KDM3B: variants seen among roughly 807,000 people sequenced by gnomAD.
KDM3B encodes lysine demethylase 3B, also known as lysine-specific demethylase 3B.
In KDM3B, 10 loss-of-function variants were observed where a neutral mutation model predicts 170.0. That is an observed-to-expected ratio of 0.06 (90% CI 0.04 to 0.10). The LOEUF (loss-of-function observed/expected upper bound fraction) is 0.10, where lower values mean the gene tolerates loss of function less well. Among genes scored for constraint, KDM3B ranks in the 10% least tolerant of loss-of-function variants. KDM3B has a pLI of 1.00. For missense variants in KDM3B, 1,394 were observed against 2,195.2 expected (o/e 0.64, Z 7.29); for synonymous variants, 831 against 834.8 (o/e 1.00, Z 0.08).
intron 11 of KDM3B, among the ~76,000 whole-genome samples, chr5:138,409,954 G>A (rs991199978): frequency 6.6e-6 from 1 of 151,862 alleles, no homozygotes; most frequent in African/African-American, 2.4e-5. Context: ...AGGCATGGTG[G>A]CACATGCCTG....
chr5:138,413,630 A>AT (rs752477585), intron 11 of KDM3B, among the ~76,000 whole-genome samples: 2 of 151,952 alleles, frequency 1.3e-5, no homozygotes, highest in Non-Finnish European at 2.9e-5. Flanking sequence ...TGCTTTATTT[A>AT]TTTTTTTGTT....
chr5:138,398,367 G>A lies in KDM3B; in HGVS notation c.3021G>A (p.Glu1007=). The A allele has an allele frequency of 6.2e-7, 1 of 1,614,150 alleles. No homozygotes were observed. The highest frequency in any genetic ancestry group is 8.5e-7 in the Non-Finnish European group (1 of 1,180,012). ...GCCAGCTCGTAATGTCTGAGAAGGA[G>A]GCCATGATGATGGTGGAGCCACACC... The part of the protein sequence containing the change: ...QFCQLVMSEK[E]AMMMVEPHQK... Residue 1007 remains glutamate (E), a synonymous_variant, in exon 10 of 24, where the codon GAG becomes GAA. Transcript: ENST00000314358.
intron 1 of KDM3B, among the ~76,000 whole-genome samples, chr5:138,368,599 C>T (rs926420434): frequency 1.3e-5 from 2 of 152,014 alleles, no homozygotes; most frequent in Non-Finnish European, 2.9e-5. Context: ...AGCCAGGAAG[C>T]GAAGTACAGT....
chr5:138,396,253 A>G (rs1278369762), intron 9 of KDM3B, among the ~76,000 whole-genome samples: 1 of 151,858 alleles, frequency 6.6e-6, no homozygotes, highest in East Asian at 2.0e-4. Flanking sequence ...CCGCCACCAC[A>G]CCCAGCTAAT....
At chr5:138,405,859 G>T (rs1280896188) in intron 11 of KDM3B, among the ~76,000 whole-genome samples, 16 of 152,146 alleles carry the variant, frequency 1.1e-4, no homozygotes, top group Admixed American at 9.8e-4. Context: ...GTTTTGTAAG[G>T]ATCTTACACT....
At chr5:138,413,251 C>G (rs1763019690) in intron 11 of KDM3B, among the ~76,000 whole-genome samples, 1 of 151,946 alleles carries the variant, frequency 6.6e-6, no homozygotes, top group Non-Finnish European at 1.5e-5. Context: ...GGCATAGTGG[C>G]ACGCACTTGT....
At chr5:138,428,186 T>C (rs1429017049) in intron 20 of KDM3B, 100 bp downstream of exon 20, 21 of 1,212,810 alleles carry the variant, frequency 1.7e-5, no homozygotes, top group Non-Finnish European at 2.3e-5. Flanking sequence ...TTCCTTTTTT[T>C]TTTCTTTTTC....
In KDM3B at chr5:138,431,643, A is replaced by T. The variant is rs1277005192; in HGVS notation, c.5205+84A>T. ...CGCAGAAAGCACATTCTCCTTTCTG[A>T]GGGTATTCTCCGAAGGTCTAATTGT... On this transcript the variant is annotated intron_variant, in intron 23 of 23. Transcript: ENST00000314358. The T allele has an allele frequency of 6.3e-5, 77 of 1,230,406 alleles. 1 individual carries two copies. In the East Asian group the frequency reaches 2.0e-3, roughly 31 times the overall value. The allele number at this position is 1,230,406 out of a possible 1,614,324, so 76.2% of individuals were successfully genotyped here.
rs144047213 is a variant in KDM3B, at chr5:138,419,728, TACACACACAC to T, written c.3715+526_3715+535del. Among the ~76,000 whole-genome samples the T allele has an allele frequency of 2.4e-3, 292 of 122,180 alleles. 1 individual carries two copies. Among genetic ancestry groups the T allele is most frequent in the East Asian group, 3.8e-3 (16 of 4,164 alleles). The allele number at this position is 122,180 out of a possible 152,430, so 80.2% of individuals were successfully genotyped here. On this transcript the variant is annotated intron_variant, in intron 14 of 23. Transcript: ENST00000314358. ...ACACACACATATATATACACACACA[TACACACACAC>T]ACACACACACACACACACACACACA... is the stretch of plus-strand genomic sequence containing the variant.
chr5:138,407,137 CA>C (rs1213186755), intron 11 of KDM3B, among the ~76,000 whole-genome samples: 1 of 152,016 alleles, frequency 6.6e-6, no homozygotes, highest in African/African-American at 2.4e-5. Context: ...AGGTGTGTGC[CA>C]CCAAACCTAG....
chr5:138,415,824 A>G (rs1277021614), intron 12 of KDM3B, among the ~76,000 whole-genome samples: 2 of 152,052 alleles, frequency 1.3e-5, no homozygotes. Flanking sequence ...TGATCAGAGG[A>G]CCTGGTCTTG....
At chr5:138,416,767 C>T (rs1177133903) in intron 12 of KDM3B, among the ~76,000 whole-genome samples, 1 of 152,028 alleles carries the variant, frequency 6.6e-6, no homozygotes, top group East Asian at 1.9e-4. Flanking sequence ...TTACATTGAT[C>T]TGTTAGTTTT....
intron 20 of KDM3B, among the ~76,000 whole-genome samples, chr5:138,429,607 A>G (rs1052836935): frequency 6.6e-6 from 1 of 152,252 alleles, no homozygotes; most frequent in African/African-American, 2.4e-5. Flanking sequence ...TTAAGGGGAA[A>G]TTATACCTCC....
rs768394735 is a variant in KDM3B at position 138,430,224 on chromosome 5, TC to T, written c.4894-24del. ...CTGTTAATGATTTTTAATTTTCCCATCTTTGGATTTGATTATGGCTTCAGGT... is the reference window on the plus strand; with the variant it reads ...CTGTTAATGATTTTTAATTTTCCCATTTTGGATTTGATTATGGCTTCAGGT... On this transcript the variant is annotated intron_variant, in intron 21 of 23. Coordinates refer to ENST00000314358, the MANE Select transcript of KDM3B (RefSeq NM_016604.4). 1.9e-6 allele frequency: 3 copies of T among 1,607,326 alleles called. No homozygotes were observed. The African/African-American group carries it at 4.0e-5, about 21-fold the overall frequency.
chr5:138,430,756 G>A (rs1282266766), intron 22 of KDM3B, among the ~76,000 whole-genome samples: 1 of 152,262 alleles, frequency 6.6e-6, no homozygotes, highest in East Asian at 1.9e-4. Flanking sequence ...CAGGCATGGT[G>A]GCACATGCCT....
chr5:138,355,692 C>T (rs1761431850), intron 1 of KDM3B, among the ~76,000 whole-genome samples: 1 of 152,086 alleles, frequency 6.6e-6, no homozygotes, highest in African/African-American at 2.4e-5. Flanking sequence ...AATCTGGTGT[C>T]CTCTTTGTGT....
intron 1 of KDM3B, among the ~76,000 whole-genome samples, chr5:138,361,393 C>G (rs1402383118): frequency 2.0e-5 from 3 of 150,546 alleles, no homozygotes; most frequent in Non-Finnish European, 4.4e-5. Flanking sequence ...CTCTAGGGGA[C>G]TGATTCTCTC....
chr5:138,430,455 C>G lies in KDM3B; in HGVS notation c.5070+30C>G, dbSNP rs201224192. 1,350 of 1,599,642 alleles carry G rather than the reference C, an allele frequency of 8.4e-4. 27 individuals are homozygous for G. The South Asian group carries it at 0.014, about 17-fold the overall frequency. ...GTTCCTGCTTGGGGGTTGGGCTGAACAGTTCCATGGGCTTTCTTATTTCTG... is the reference window on the plus strand; with the variant it reads ...GTTCCTGCTTGGGGGTTGGGCTGAAGAGTTCCATGGGCTTTCTTATTTCTG... On this transcript the variant is annotated intron_variant, in intron 22 of 23. Transcript: ENST00000314358.
chr5:138,372,432 A>C (rs1761898368), intron 1 of KDM3B, among the ~76,000 whole-genome samples: 1 of 152,194 alleles, frequency 6.6e-6, no homozygotes. Flanking sequence ...ATGACTAAAA[A>C]TTACTGAATG....
Sources: allele counts gnomAD v4.1 joint callset (sites outside exome capture counted in the v4.1 genomes callset), GRCh38; gene constraint gnomAD v4.1.1; transcripts MANE v1.5; gene names NCBI Gene and HGNC (gene_info 2026-07-23, HGNC 2026-07-21).